RUFY3: variants seen among roughly 807,000 people sequenced by gnomAD.
RUFY3 encodes the protein protein RUFY3.
In RUFY3, 34 loss-of-function variants were observed where a neutral mutation model predicts 84.0. The observed-to-expected ratio is 0.40, with a 90% CI of 0.31 to 0.54. RUFY3 has a LOEUF of 0.54. Among genes scored for constraint, RUFY3 ranks in the 20% least tolerant of loss-of-function variants. The pLI, the probability that RUFY3 is intolerant of heterozygous loss-of-function variation, is 0.39. For missense variants in RUFY3, 507 were observed against 736.8 expected (o/e 0.69, Z 3.61); for synonymous variants, 242 against 252.9 (o/e 0.96, Z 0.41).
upstream of RUFY3, among the ~76,000 whole-genome samples, chr4:70,719,157 A>AC (rs1323224864): frequency 6.6e-5 from 10 of 152,100 alleles, no homozygotes; most frequent in African/African-American, 1.7e-4. Flanking sequence ...TTTCTTGCCC[A>AC]CCCCCGGGTC....
intron 9 of RUFY3, among the ~76,000 whole-genome samples, chr4:70,784,489 GAAAA>G (rs934334783): frequency 1.5e-5 from 2 of 135,656 alleles, no homozygotes; most frequent in African/African-American, 5.4e-5. Flanking sequence ...TCTCAAAAAA[GAAAA>G]AAAAAAAACC....
chr4:70,730,818 T>A (rs16845398), intron 1 of RUFY3, among the ~76,000 whole-genome samples: 14,043 of 152,170 alleles, frequency 0.092, 1,386 homozygotes, highest in African/African-American at 0.25. Flanking sequence ...AAACTCAGAC[T>A]ACCAATGGTT....
chr4:70,806,482 C>G (rs989888532), intron 17 of RUFY3, 34 bp from the exon 18 acceptor site: 11 of 1,611,798 alleles, frequency 6.8e-6, no homozygotes, highest in Non-Finnish European at 8.5e-6. Context: ...CCTTGCTCAT[C>G]TTCTATTCCC....
intron 17 of RUFY3, among the ~76,000 whole-genome samples, chr4:70,806,095 T>C (rs1390701481): frequency 6.6e-6 from 1 of 152,220 alleles, no homozygotes; most frequent in Non-Finnish European, 1.5e-5. Flanking sequence ...TTATTAGGAA[T>C]TATACTTTCA....
intron 12 of RUFY3, among the ~76,000 whole-genome samples, chr4:70,790,551 C>T (rs1358686754): frequency 6.6e-6 from 1 of 152,192 alleles, no homozygotes; most frequent in African/African-American, 2.4e-5. Context: ...CCAGAGTTTC[C>T]TCTGATACCT....
At chr4:70,804,320 A>G (rs1242725494) in intron 16 of RUFY3, 28 bp from the exon 17 acceptor site, 5 of 1,610,296 alleles carry the variant, frequency 3.1e-6, no homozygotes, top group Non-Finnish European at 4.2e-6. Flanking sequence ...GCACTAAGAA[A>G]AACTAACCAG....
At chr4:70,781,804 T>G (rs1364090838) in intron 8 of RUFY3, among the ~76,000 whole-genome samples, 1 of 152,212 alleles carries the variant, frequency 6.6e-6, no homozygotes, top group African/African-American at 2.4e-5. Flanking sequence ...GAGATAATAA[T>G]TGAGGAGACT....
rs146623199 is a variant in RUFY3, at chr4:70,744,090, G to A, written c.179-18429G>A. On this transcript the variant is annotated intron_variant, in intron 1 of 17. Coordinates refer to ENST00000381006, the MANE Select transcript of RUFY3 (RefSeq NM_001037442.4). ...TCAGAAAAAGCTGATGATATATGCA[G>A]GCTCAGATCTTTTCTGGAGACCTTC... is the stretch of plus-strand genomic sequence containing the variant. 4.3e-3 allele frequency among the ~76,000 whole-genome samples: 657 copies of A among 152,276 alleles called. 15 individuals carry two copies. The highest frequency in any genetic ancestry group is 0.033 in the Admixed American group (507 of 15,290).
intron 1 of RUFY3, among the ~76,000 whole-genome samples, chr4:70,738,206 C>T (rs1402196441): frequency 2.0e-5 from 3 of 151,554 alleles, no homozygotes; most frequent in Admixed American, 2.0e-4. Context: ...CTAGGCTGGT[C>T]GCCGCCTCCT....
At chr4:70,756,031 A>T (rs75308691) in intron 1 of RUFY3, among the ~76,000 whole-genome samples, 282 of 152,038 alleles carry the variant, frequency 1.9e-3, no homozygotes, top group African/African-American at 6.7e-3. Context: ...AGTCACTTCC[A>T]CATGATTTCT....
In RUFY3 at chr4:70,800,017, C is replaced by T. The variant is rs1486924367; in HGVS notation, c.1558-124C>T. Reference sequence around the variant, plus strand: ...GAAACATAGCTTGAAAGTTAGATCCCTTCCCTAATAAAAAAAGCTACTTAG... The same window carrying T: ...GAAACATAGCTTGAAAGTTAGATCCTTTCCCTAATAAAAAAAGCTACTTAG... On this transcript the variant is annotated intron_variant, in intron 14 of 17. Transcript: ENST00000381006. 13 of 766,664 alleles carry T rather than the reference C, an allele frequency of 1.7e-5. No homozygotes were observed. In the East Asian group the frequency reaches 3.8e-4, roughly 22 times the overall value. 47.5% of individuals were successfully genotyped at this position (766,664 alleles called of 1,614,324 possible). A position where few individuals can be genotyped will look rare whatever the true frequency, so the allele number is the denominator to read the frequency against.
chr4:70,778,657 G>A (rs533938286), intron 8 of RUFY3, among the ~76,000 whole-genome samples: 85 of 135,092 alleles, frequency 6.3e-4, no homozygotes, highest in African/African-American at 2.2e-3. Context: ...TTGGCTCACC[G>A]CAACCTCCGT....
intron 5 of RUFY3, 88 bp downstream of exon 5, chr4:70,768,749 A>T: frequency 8.1e-7 from 1 of 1,238,490 alleles, no homozygotes; most frequent in South Asian, 1.6e-5. Context: ...CAACCAAATT[A>T]GGCCATATTC....
At chr4:70,755,071 T>G (rs1005845994) in intron 1 of RUFY3, among the ~76,000 whole-genome samples, 3 of 152,010 alleles carry the variant, frequency 2.0e-5, no homozygotes, top group African/African-American at 7.2e-5. Context: ...GCCCAGCTAA[T>G]TTTTGTATTT....
At chr4:70,801,892 AAAATC>A (rs1317339957) in intron 15 of RUFY3, among the ~76,000 whole-genome samples, 2 of 152,206 alleles carry the variant, frequency 1.3e-5, no homozygotes, top group Admixed American at 6.5e-5. Context: ...GTTCCAAACT[AAAATC>A]AAATCATTTA....
At chr4:70,782,252 C>T (rs943717464) in intron 8 of RUFY3, among the ~76,000 whole-genome samples, 5 of 150,450 alleles carry the variant, frequency 3.3e-5, no homozygotes, top group Non-Finnish European at 7.4e-5. Flanking sequence ...TAAGTTAAAA[C>T]TTTTCATATA....
At chr4:70,762,054 G>A (rs1470466268) in intron 1 of RUFY3, among the ~76,000 whole-genome samples, 3 of 152,150 alleles carry the variant, frequency 2.0e-5, no homozygotes, top group East Asian at 1.9e-4. Flanking sequence ...GGTGGCTCAC[G>A]CGTATTATCC....
chr4:70,759,356 T>TTGTGTGTGTG (rs1553911985), intron 1 of RUFY3, among the ~76,000 whole-genome samples: 1 of 119,910 alleles, frequency 8.3e-6, no homozygotes, highest in African/African-American at 3.2e-5. Context: ...ATGGCTGAAT[T>TTGTGTGTGTG]TGTGTGTGTG....
chr4:70,807,377 T>C lies in RUFY3; in HGVS notation c.*718T>C, dbSNP rs1387940576. The C allele has an allele frequency of 1.3e-5, 2 of 152,194 alleles. No homozygotes were observed. The highest frequency in any genetic ancestry group is 2.4e-5 in the African/African-American group (1 of 41,452). The allele number at this position is 152,194 out of a possible 1,614,324, so 9.4% of individuals were successfully genotyped here. A position where few individuals can be genotyped will look rare whatever the true frequency, so the allele number is the denominator to read the frequency against. ...ATAACTGCCCTTTTCAGAATCTCCT[T>C]CCACAAAACAAGCCAACTCTTCCCC... On this transcript the variant is annotated 3_prime_UTR_variant, in exon 18 of 18. Transcript: ENST00000381006.
Sources: allele counts gnomAD v4.1 joint callset (sites outside exome capture counted in the v4.1 genomes callset), GRCh38; gene constraint gnomAD v4.1.1; transcripts MANE v1.5; gene names NCBI Gene and HGNC (gene_info 2026-07-23, HGNC 2026-07-21).